MAGI2: variants seen among roughly 807,000 people sequenced by gnomAD.
MAGI2 encodes membrane-associated guanylate kinase, WW and PDZ domain-containing protein 2.
In MAGI2, 35 loss-of-function variants were observed where a neutral mutation model predicts 133.3. The observed-to-expected ratio is 0.26, with a 90% CI of 0.20 to 0.35. MAGI2 has a LOEUF of 0.35. MAGI2 is among the 10% of genes least tolerant of loss of function. The probability of loss-of-function intolerance (pLI) is 1.00; values close to 1 mark genes in which losing one functional copy is unlikely to be tolerated. For synonymous variants in MAGI2, 729 were observed against 710.6 expected (o/e 1.03, Z -0.41); for missense variants, 1,636 against 1,863.4 (o/e 0.88, Z 2.25).
chr7:78,991,340 C>A lies in MAGI2; in HGVS notation c.418+15750G>T, dbSNP rs573366427. ...CATACACACACACACACACACACAC[C>A]CCTACATATACACATCATATTTCAT... On this transcript the variant is annotated intron_variant, in intron 2 of 21. Coordinates refer to ENST00000354212, the MANE Select transcript of MAGI2 (RefSeq NM_012301.4). 2.8e-4 allele frequency among the ~76,000 whole-genome samples: 42 copies of A among 149,668 alleles called. 1 individual carries two copies. The South Asian group carries it at 7.7e-3, about 27-fold the overall frequency.
intron 1 of MAGI2, among the ~76,000 whole-genome samples, chr7:79,107,588 C>G (rs1303273773): frequency 6.6e-6 from 1 of 152,192 alleles, no homozygotes; most frequent in Non-Finnish European, 1.5e-5. Flanking sequence ...GCTACAGTGG[C>G]AACAGAAGAC....
intron 2 of MAGI2, among the ~76,000 whole-genome samples, chr7:78,873,490 T>C (rs1027059673): frequency 1.3e-5 from 2 of 152,134 alleles, no homozygotes; most frequent in Admixed American, 1.3e-4. Flanking sequence ...GAGCTCCTTA[T>C]GAGAACTGAA....
In MAGI2 at chr7:79,386,775, G is replaced by A. The variant is rs527930863; in HGVS notation, c.301+66245C>T. ...CATTGTGGTGGTATTAAAAGGTGGT[G>A]CCTTTGGGAAGATGACTAAGTAATA... On this transcript the variant is annotated intron_variant, in intron 1 of 21. Coordinates refer to ENST00000354212, the MANE Select transcript of MAGI2 (RefSeq NM_012301.4). Among the ~76,000 whole-genome samples, 4 of 152,104 alleles carry A rather than the reference G, an allele frequency of 2.6e-5. No homozygotes were observed. The South Asian group carries it at 8.3e-4, about 32-fold the overall frequency.
intron 2 of MAGI2, among the ~76,000 whole-genome samples, chr7:78,720,508 T>A (rs749410563): frequency 6.6e-6 from 1 of 151,902 alleles, no homozygotes; most frequent in African/African-American, 2.4e-5. Flanking sequence ...TTGTATAATT[T>A]ATTTAGATAT....
intron 1 of MAGI2, among the ~76,000 whole-genome samples, chr7:79,213,670 T>C (rs1280385376): frequency 3.3e-5 from 5 of 152,100 alleles, no homozygotes; most frequent in Admixed American, 2.6e-4. Context: ...AAAAAATGTG[T>C]ATATTGATTT....
chr7:78,308,988 TATC>T (rs1798468451), intron 9 of MAGI2, among the ~76,000 whole-genome samples: 2 of 152,306 alleles, frequency 1.3e-5, no homozygotes, highest in African/African-American at 2.4e-5. Context: ...CACAATGAGA[TATC>T]ATCTCACACT....
intron 1 of MAGI2, among the ~76,000 whole-genome samples, chr7:79,075,113 A>G (rs1354680755): frequency 6.6e-6 from 1 of 152,196 alleles, no homozygotes; most frequent in East Asian, 1.9e-4. Flanking sequence ...AGCAGGGGAA[A>G]AACAACCTTC....
At chr7:78,853,341 T>A (rs907604476) in intron 2 of MAGI2, among the ~76,000 whole-genome samples, 3 of 66,988 alleles carry the variant, frequency 4.5e-5, no homozygotes, top group African/African-American at 1.9e-4. Context: ...TCTTTTTTTT[T>A]TTTTTTTTTT....
intron 2 of MAGI2, among the ~76,000 whole-genome samples, chr7:78,886,819 T>A (rs571762969): frequency 1.3e-5 from 2 of 152,196 alleles, no homozygotes; most frequent in African/African-American, 2.4e-5. Flanking sequence ...GTAAATTACA[T>A]GGTGATATGG....
At chr7:79,195,640 G>A (rs1033793963) in intron 1 of MAGI2, among the ~76,000 whole-genome samples, 1 of 151,874 alleles carries the variant, frequency 6.6e-6, no homozygotes, top group Non-Finnish European at 1.5e-5. Context: ...GCCCAGCAAT[G>A]GAGAGTCACA....
chr7:79,009,604 G>A (rs1807840298), intron 1 of MAGI2, among the ~76,000 whole-genome samples: 1 of 152,082 alleles, frequency 6.6e-6, no homozygotes, highest in Admixed American at 6.6e-5. Context: ...TTTTAAAAGA[G>A]CTCTGATTTA....
At chr7:78,387,228 A>G (rs1264228522) in intron 6 of MAGI2, among the ~76,000 whole-genome samples, 1 of 152,188 alleles carries the variant, frequency 6.6e-6, no homozygotes, top group Non-Finnish European at 1.5e-5. Flanking sequence ...ACATTCATGC[A>G]CCTTGATTGG....
At chr7:78,967,284 CT>C (rs1803398505) in intron 2 of MAGI2, among the ~76,000 whole-genome samples, 2 of 152,040 alleles carry the variant, frequency 1.3e-5, no homozygotes, top group South Asian at 4.2e-4. Flanking sequence ...GTCCTTTGCC[CT>C]TTTTACTGGG....
At chr7:78,313,588 A>AT (rs1292712292) in intron 9 of MAGI2, among the ~76,000 whole-genome samples, 5 of 151,628 alleles carry the variant, frequency 3.3e-5, no homozygotes, top group South Asian at 4.2e-4. Context: ...AGAGAAAAAT[A>AT]TTTTTTTTGA....
intron 1 of MAGI2, among the ~76,000 whole-genome samples, chr7:79,436,326 C>T (rs573067380): frequency 4.0e-5 from 6 of 151,206 alleles, no homozygotes; most frequent in African/African-American, 1.2e-4. Context: ...CAAAGGCAAT[C>T]GCAACAAAAA....
At chr7:79,217,965 C>T (rs1391830253) in intron 1 of MAGI2, among the ~76,000 whole-genome samples, 1 of 151,836 alleles carries the variant, frequency 6.6e-6, no homozygotes, top group Non-Finnish European at 1.5e-5. Flanking sequence ...CTGTGAACAA[C>T]ATGCACGAAT....
chr7:78,357,235 A>C (rs1178060209), intron 7 of MAGI2, among the ~76,000 whole-genome samples: 1 of 152,072 alleles, frequency 6.6e-6, no homozygotes, highest in Admixed American at 6.6e-5. Flanking sequence ...TTTAAGTTTC[A>C]TTTTCTCTGT....
intron 16 of MAGI2, 77 bp downstream of exon 16, chr7:78,159,948 C>T (rs993205571): frequency 2.7e-6 from 4 of 1,486,690 alleles, no homozygotes; most frequent in African/African-American, 2.8e-5. Context: ...TTCTGATATA[C>T]TTGTCCGGTA....
chr7:79,281,524 A>C (rs1045835101), intron 1 of MAGI2, among the ~76,000 whole-genome samples: 4 of 119,926 alleles, frequency 3.3e-5, no homozygotes, highest in African/African-American at 1.1e-4. Context: ...AAAGTAAAAC[A>C]CTAAGTTTAG....
Sources: allele counts gnomAD v4.1 joint callset (sites outside exome capture counted in the v4.1 genomes callset), GRCh38; gene constraint gnomAD v4.1.1; transcripts MANE v1.5; gene names NCBI Gene and HGNC (gene_info 2026-07-23, HGNC 2026-07-21).